POMT2: variants seen among roughly 807,000 people sequenced by gnomAD.
The protein encoded by POMT2 is protein O-mannosyl-transferase 2.
In POMT2, 75 loss-of-function variants were observed where a neutral mutation model predicts 100.0. That is an observed-to-expected ratio of 0.75 (90% CI 0.62 to 0.91). POMT2 has a LOEUF of 0.91. POMT2 is among the 40% of genes least tolerant of loss of function. POMT2 has a pLI of 0.00. For synonymous variants in POMT2, 378 were observed against 374.1 expected (o/e 1.01, Z -0.12); for missense variants, 940 against 955.1 (o/e 0.98, Z 0.21).
At chr14:77,295,855 C>T (rs901960766) in intron 9 of POMT2, among the ~76,000 whole-genome samples, 11 of 151,932 alleles carry the variant, frequency 7.2e-5, no homozygotes, top group Admixed American at 7.2e-4. Flanking sequence ...AAAGAGACGG[C>T]GGGAAGTAAG....
At chr14:77,280,172 G>A in intron 16 of POMT2, 92 bp from the exon 17 acceptor site, 1 of 1,604,704 alleles carries the variant, frequency 6.2e-7, no homozygotes, top group Admixed American at 1.7e-5. Context: ...TCCACAGACA[G>A]GGAGCCTGGA....
chr14:77,279,883 A>G lies in POMT2; in HGVS notation c.1831T>C (p.Ser611Pro). ...NLLSIALYLL[S>P]GSIIAVAMQR... Reference sequence around the variant, plus strand: ...ATGGCTACAGCAATGATGCTCCCTGAGAGGAGGTAGAGGGCGATGCTCAAC... The same window carrying G: ...ATGGCTACAGCAATGATGCTCCCTGGGAGGAGGTAGAGGGCGATGCTCAAC... Residue 611 changes from serine (S) to proline (P), a missense_variant, in exon 18 of 21, where the codon TCA (serine) becomes CCA (proline). Physicochemically the swap from Ser to Pro is moderately conservative, Grantham distance 74 (BLOSUM62 -1). Coordinates refer to ENST00000261534, the MANE Select transcript of POMT2 (RefSeq NM_013382.7). 2.5e-6 allele frequency: 4 copies of G among 1,614,052 alleles called. No homozygotes were observed. The highest frequency in any genetic ancestry group is 3.4e-6 in the Non-Finnish European group (4 of 1,180,008).
intron 2 of POMT2, among the ~76,000 whole-genome samples, chr14:77,309,969 C>T (rs550220620): frequency 2.0e-5 from 3 of 152,320 alleles, no homozygotes; most frequent in South Asian, 2.1e-4. Flanking sequence ...TGAGCCACCA[C>T]GCCTGGCCTA....
intron 6 of POMT2, chr14:77,300,871 A>T: frequency 1.5e-6 from 1 of 657,046 alleles, no homozygotes; most frequent in Non-Finnish European, 2.5e-6. Flanking sequence ...AGAGACTTCC[A>T]AGAATGTTAA....
chr14:77,285,346 C>A, intron 13 of POMT2, 135 bp downstream of exon 13: 1 of 1,206,362 alleles, frequency 8.3e-7, no homozygotes, highest in Non-Finnish European at 1.2e-6. Flanking sequence ...CTGATATCTA[C>A]TCTCCCTCCA....
intron 9 of POMT2, among the ~76,000 whole-genome samples, chr14:77,294,957 T>C (rs1890770829): frequency 6.6e-6 from 1 of 152,236 alleles, no homozygotes; most frequent in African/African-American, 2.4e-5. Context: ...TCACTGTCCT[T>C]TGTCATAATT....
chr14:77,301,684 A>G (rs1566656540), intron 5 of POMT2, among the ~76,000 whole-genome samples: 1 of 152,196 alleles, frequency 6.6e-6, no homozygotes, highest in Non-Finnish European at 1.5e-5. Flanking sequence ...CATTCCAAGT[A>G]CGATGCATAT....
chr14:77,287,104 G>A (rs1037369547), intron 11 of POMT2: 7 of 446,428 alleles, frequency 1.6e-5, no homozygotes, highest in East Asian at 1.0e-4. Flanking sequence ...GGTGGGGGGC[G>A]ACTTTCACAC....
rs191293526 is a variant in POMT2, at chr14:77,278,163, C to T, written c.2147+231G>A. ...TGGGATGGCACAAAAGCTGAACCAC[C>T]GGCAGAAGGGGAAAAGGCAGAGTTA... On this transcript the variant is annotated intron_variant, in intron 20 of 20. Coordinates refer to ENST00000261534, the MANE Select transcript of POMT2 (RefSeq NM_013382.7). 9.5e-4 allele frequency: 522 copies of T among 548,886 alleles called. 17 individuals carry two copies. In the Admixed American group the frequency reaches 0.015, roughly 16 times the overall value. 34.0% of individuals were successfully genotyped at this position (548,886 alleles called of 1,614,324 possible). A position where few individuals can be genotyped will look rare whatever the true frequency, so the allele number is the denominator to read the frequency against.
At position 77,298,711 on chromosome 14, in the gene POMT2, C is replaced by T. The variant is rs928296570; in HGVS notation, c.984G>A (p.Leu328=). 1.2e-6 allele frequency: 2 copies of T among 1,613,782 alleles called. No homozygotes were observed. The highest frequency in any genetic ancestry group is 1.1e-5 in the South Asian group (1 of 90,878). Reference sequence around the variant, plus strand: ...CACGTTCAGGGATGGAAGCATTGTGCAGGTTGTTCCCTGAAAGCCGGGCCT... The same window carrying T: ...CACGTTCAGGGATGGAAGCATTGTGTAGGTTGTTCCCTGAAAGCCGGGCCT... ...AFQARLSGNN[L]HNASIPEHLA... is the part of the protein sequence containing the mutation. Residue 328 remains leucine, a synonymous_variant, in exon 8 of 21, where the codon CTG becomes CTA. Coordinates refer to ENST00000261534, the MANE Select transcript of POMT2 (RefSeq NM_013382.7).
At chr14:77,292,834 G>C (rs1469149886) in intron 9 of POMT2, among the ~76,000 whole-genome samples, 1 of 152,210 alleles carries the variant, frequency 6.6e-6, no homozygotes, top group Non-Finnish European at 1.5e-5. Context: ...ATACAGGTTT[G>C]TAGTCTAGGA....
intron 16 of POMT2, 61 bp from the exon 17 acceptor site, chr14:77,280,141 G>A: frequency 2.5e-6 from 4 of 1,612,184 alleles, no homozygotes; most frequent in Non-Finnish European, 3.4e-6. Flanking sequence ...ACACCCATTA[G>A]GGGGAGGAAG....
At chr14:77,314,235 A>G (rs995847965) in intron 1 of POMT2, among the ~76,000 whole-genome samples, 1 of 152,170 alleles carries the variant, frequency 6.6e-6, no homozygotes, top group South Asian at 2.1e-4. Context: ...ATTGCTTGCC[A>G]TAAAACAGCA....
rs988852131 is a variant in POMT2 at position 77,320,810 on chromosome 14, C to G, written c.-129G>C. 8.7e-6 allele frequency: 12 copies of G among 1,387,274 alleles called. No homozygotes were observed. The African/African-American group carries it at 9.2e-5, about 11-fold the overall frequency. The allele number at this position is 1,387,274 out of a possible 1,614,324, so 85.9% of individuals were successfully genotyped here. A position where few individuals can be genotyped will look rare whatever the true frequency, so the allele number is the denominator to read the frequency against. On this transcript the variant is annotated 5_prime_UTR_variant, in exon 1 of 21. Transcript: ENST00000261534. Reference sequence around the variant, plus strand: ...TGCAACGCCCTTCACTGCAGCGGAGCGCGGGGCCCCGGGCTCGGGGCGGGG... The same window carrying G: ...TGCAACGCCCTTCACTGCAGCGGAGGGCGGGGCCCCGGGCTCGGGGCGGGG...
At chr14:77,306,716 C>A (rs544934147) in intron 2 of POMT2, 5 of 384,724 alleles carry the variant, frequency 1.3e-5, no homozygotes, top group Admixed American at 1.1e-4. Flanking sequence ...AAGAGCCCCA[C>A]AATTTGAAGG....
chr14:77,280,301 C>T lies in POMT2; in HGVS notation c.1725+91G>A, dbSNP rs898795411. ...CATCCCAGGAGGCCCCTCGCCCTGCCGCCCTAGTACACCCACCCCCGCCTC... is the reference window on the plus strand; with the variant it reads ...CATCCCAGGAGGCCCCTCGCCCTGCTGCCCTAGTACACCCACCCCCGCCTC... On this transcript the variant is annotated intron_variant, in intron 16 of 20. Coordinates refer to ENST00000261534, the MANE Select transcript of POMT2 (RefSeq NM_013382.7). The T allele has an allele frequency of 1.3e-4, 207 of 1,590,622 alleles. 2 individuals carry two copies. Among genetic ancestry groups the T allele is most frequent in the African/African-American group, 1.1e-4 (8 of 74,540 alleles).
At chr14:77,284,749 G>T (rs146020798) in intron 14 of POMT2, among the ~76,000 whole-genome samples, 1 of 152,156 alleles carries the variant, frequency 6.6e-6, no homozygotes, top group Non-Finnish European at 1.5e-5. Flanking sequence ...TTTAGGGAGA[G>T]GAGTTTACGG....
At chr14:77,279,382 A>G (rs527802167) in intron 18 of POMT2, 3 of 375,238 alleles carry the variant, frequency 8.0e-6, no homozygotes, top group South Asian at 2.1e-5. Flanking sequence ...TGGGAACTCA[A>G]TAACCCTGGA....
chr14:77,306,243 C>A, intron 3 of POMT2, 94 bp downstream of exon 3: 1 of 1,565,396 alleles, frequency 6.4e-7, no homozygotes, highest in Non-Finnish European at 8.7e-7. Context: ...CCTTTATTTG[C>A]ACCTGCCACC....
Sources: allele counts gnomAD v4.1 joint callset (sites outside exome capture counted in the v4.1 genomes callset), GRCh38; gene constraint gnomAD v4.1.1; transcripts MANE v1.5; gene names NCBI Gene and HGNC (gene_info 2026-07-23, HGNC 2026-07-21).